Variants in EXOC5 observed in about 807,000 individuals in gnomAD.
EXOC5 encodes the protein exocyst complex component 5.
EXOC5 carries 17 observed loss-of-function variants against 90.8 expected under a neutral mutation model. The observed-to-expected ratio is 0.19, with a 90% CI of 0.13 to 0.28. The LOEUF is 0.28. EXOC5 is among the 10% of genes least tolerant of loss of function. EXOC5 has a pLI of 1.00. For synonymous variants in EXOC5, 260 were observed against 270.0 expected (o/e 0.96, Z 0.36); for missense variants, 569 against 830.6 (o/e 0.69, Z 3.87).
At chr14:57,224,635 T>C (rs974141048) in intron 12 of EXOC5, among the ~76,000 whole-genome samples, 4 of 152,152 alleles carry the variant, frequency 2.6e-5, no homozygotes, top group African/African-American at 9.7e-5. Flanking sequence ...TTGTGACTTT[T>C]ACCAAAGAAA....
In EXOC5 at chr14:57,247,727, A is replaced by C. The variant is rs1884072218; in HGVS notation, c.28-15T>G. 1 of 1,390,608 alleles carries C rather than the reference A, an allele frequency of 7.2e-7. No individual in the cohort carries two copies. Among genetic ancestry groups the C allele is most frequent in the Non-Finnish European group, 9.8e-7 (1 of 1,022,424 alleles). 86.1% of individuals were successfully genotyped at this position (1,390,608 alleles called of 1,614,324 possible). A position where few individuals can be genotyped will look rare whatever the true frequency, so the allele number is the denominator to read the frequency against. On this transcript the variant is annotated splice_polypyrimidine_tract_variant and intron_variant, in intron 1 of 17. Coordinates refer to ENST00000621441, the MANE Select transcript of EXOC5 (RefSeq NM_006544.4). Reference sequence around the variant, plus strand: ...ACAAAAGGCTCCTAGTTTACAAAAAAATACGCTTTAACAAAGTTTCATATA... The same window carrying C: ...ACAAAAGGCTCCTAGTTTACAAAAACATACGCTTTAACAAAGTTTCATATA...
At chr14:57,256,338 G>A (rs1884348636) in intron 1 of EXOC5, among the ~76,000 whole-genome samples, 1 of 151,908 alleles carries the variant, frequency 6.6e-6, no homozygotes, top group Non-Finnish European at 1.5e-5. Context: ...GCCTAAAAAG[G>A]GTATTATAAC....
chr14:57,230,230 C>T (rs1288758054), intron 11 of EXOC5, among the ~76,000 whole-genome samples: 2 of 152,056 alleles, frequency 1.3e-5, no homozygotes, highest in East Asian at 3.9e-4. Flanking sequence ...TAAAAAGAAA[C>T]CTTTAAAAGT....
intron 9 of EXOC5, 22 bp from the exon 10 acceptor site, chr14:57,232,771 T>A: frequency 1.8e-6 from 2 of 1,112,000 alleles, no homozygotes; most frequent in Non-Finnish European, 2.7e-6. Flanking sequence ...AGGTTAACAT[T>A]CTGTTAATTA....
At chr14:57,225,316 GATAAA>G (rs928718167) in intron 12 of EXOC5, among the ~76,000 whole-genome samples, 8 of 151,950 alleles carry the variant, frequency 5.3e-5, no homozygotes, top group African/African-American at 1.7e-4. Flanking sequence ...AGCTAAGTAG[GATAAA>G]ATAATTTTCT....
chr14:57,248,121 C>A (rs1594676062), intron 1 of EXOC5, among the ~76,000 whole-genome samples: 2 of 147,998 alleles, frequency 1.4e-5, no homozygotes, highest in African/African-American at 2.5e-5. Context: ...TTATAATGAG[C>A]AAGGCAAGAA....
intron 15 of EXOC5, among the ~76,000 whole-genome samples, chr14:57,210,859 C>T (rs1350958182): frequency 6.6e-6 from 1 of 152,166 alleles, no homozygotes; most frequent in Non-Finnish European, 1.5e-5. Flanking sequence ...TGTTAAACAA[C>T]AACAATGTAG....
intron 12 of EXOC5, among the ~76,000 whole-genome samples, chr14:57,225,917 G>A (rs574757878): frequency 2.0e-5 from 3 of 152,252 alleles, no homozygotes; most frequent in East Asian, 1.9e-4. Flanking sequence ...ACAAACAGTC[G>A]TATTCTTTTG....
rs561127239 is a variant in EXOC5, at chr14:57,246,328, A to G, written c.270+383T>C. Among the ~76,000 whole-genome samples, 5 of 152,316 alleles carry G rather than the reference A, an allele frequency of 3.3e-5. No homozygotes were observed. The South Asian group carries it at 8.3e-4, about 25-fold the overall frequency. ...CCTAATTCAGACAATAGCTGCTTTC[A>G]TATTACTTTGTTTTACGATTAAAGA... On this transcript the variant is annotated intron_variant, in intron 3 of 17. Coordinates refer to ENST00000621441, the MANE Select transcript of EXOC5 (RefSeq NM_006544.4).
Position 57,210,004 on chromosome 14 carries a change from T to C in EXOC5, c.1671A>G (p.Lys557=). The change falls in exon 16 of 18, where the codon AAA becomes AAG. Residue 557 remains lysine, a synonymous_variant. Coordinates refer to ENST00000621441, the MANE Select transcript of EXOC5 (RefSeq NM_006544.4). The part of the protein sequence containing the change: ...MKHILAAEQK[K]TDFKPEDENN... The stretch of plus-strand genomic sequence containing the variant: ...TTTCATCTTCTGGCTTAAAATCTGT[T>C]TTCTTCTGTTCTGCAGCCAAAATAT... 1 of 1,599,314 alleles carries C rather than the reference T, an allele frequency of 6.3e-7. No homozygotes were observed. Among genetic ancestry groups the C allele is most frequent in the African/African-American group, 1.3e-5 (1 of 74,872 alleles).
chr14:57,212,092 C>G lies in EXOC5; in HGVS notation c.1614-2031G>C, dbSNP rs115087428. On this transcript the variant is annotated intron_variant, in intron 15 of 17. Coordinates refer to ENST00000621441, the MANE Select transcript of EXOC5 (RefSeq NM_006544.4). ...TTGCCTCAGGCTGGTCCCAAACTCCCGGGCTCAAGTGATCCTCCTGCCTCA... is the reference window on the plus strand; with the variant it reads ...TTGCCTCAGGCTGGTCCCAAACTCCGGGGCTCAAGTGATCCTCCTGCCTCA... Among the ~76,000 whole-genome samples, 783 of 152,254 alleles carry G rather than the reference C, an allele frequency of 5.1e-3. 9 individuals are homozygous for G. The highest frequency in any genetic ancestry group is 0.018 in the African/African-American group (742 of 41,542).
At chr14:57,245,791 A>C (rs953524816) in intron 3 of EXOC5, among the ~76,000 whole-genome samples, 2 of 152,118 alleles carry the variant, frequency 1.3e-5, no homozygotes, top group Non-Finnish European at 2.9e-5. Context: ...AGTAGCTCAC[A>C]CCTGTAATCC....
At chr14:57,231,187 T>C (rs1213909930) in intron 11 of EXOC5, among the ~76,000 whole-genome samples, 1 of 151,950 alleles carries the variant, frequency 6.6e-6, no homozygotes, top group Non-Finnish European at 1.5e-5. Flanking sequence ...TTTTGTGTTT[T>C]TAGTAGAGAT....
intron 1 of EXOC5, among the ~76,000 whole-genome samples, chr14:57,258,409 A>C (rs577788773): frequency 6.6e-6 from 1 of 152,348 alleles, no homozygotes. Context: ...GACATGGATG[A>C]AACTGGAAAC....
In EXOC5 at chr14:57,205,134, G is replaced by C. The variant is rs1455786249; in HGVS notation, c.*3475C>G. On this transcript the variant is annotated 3_prime_UTR_variant, in exon 18 of 18. Coordinates refer to ENST00000621441, the MANE Select transcript of EXOC5 (RefSeq NM_006544.4). The stretch of plus-strand genomic sequence containing the variant: ...TCTAGAATCCAATAATATGTGCAAA[G>C]GACTTATTAGCACAGTGTGTGAGAC... The C allele has an allele frequency of 1.3e-5, 2 of 151,912 alleles. No individual in the cohort carries two copies. The highest frequency in any genetic ancestry group is 4.8e-5 in the African/African-American group (2 of 41,400). 9.4% of individuals were successfully genotyped at this position (151,912 alleles called of 1,614,324 possible).
At chr14:57,230,489 C>A (rs542377328) in intron 11 of EXOC5, among the ~76,000 whole-genome samples, 1 of 151,956 alleles carries the variant, frequency 6.6e-6, no homozygotes, top group Non-Finnish European at 1.5e-5. Context: ...TTCCTCTTCC[C>A]TTCCTTGCTA....
In EXOC5 at chr14:57,201,473, CACACACGTGTATAA is replaced by C. The variant is rs1045547964; in HGVS notation, c.*7122_*7135del. The C allele has an allele frequency of 4.4e-5, 6 of 136,696 alleles. No individual in the cohort carries two copies. Among genetic ancestry groups the C allele is most frequent in the African/African-American group, 1.3e-4 (4 of 30,564 alleles). The allele number at this position is 136,696 out of a possible 1,614,324, so 8.5% of individuals were successfully genotyped here. A position where few individuals can be genotyped will look rare whatever the true frequency, so the allele number is the denominator to read the frequency against. On this transcript the variant is annotated 3_prime_UTR_variant, in exon 18 of 18. Transcript: ENST00000621441. ...ATATATACACACGCGTGTATATGTA[CACACACGTGTATAA>C]ACACACGTGTATATACACACACATA...
rs1384618831 is a variant in EXOC5, at chr14:57,203,826, G to T, written c.*4783C>A. 1 of 152,514 alleles carries T rather than the reference G, an allele frequency of 6.6e-6. No individual in the cohort carries two copies. Among genetic ancestry groups the T allele is most frequent in the East Asian group, 1.9e-4 (1 of 5,198 alleles). The allele number at this position is 152,514 out of a possible 1,614,324, so 9.4% of individuals were successfully genotyped here. A position where few individuals can be genotyped will look rare whatever the true frequency, so the allele number is the denominator to read the frequency against. On this transcript the variant is annotated 3_prime_UTR_variant, in exon 18 of 18. Transcript: ENST00000621441. ...ATTATTGACAATTTTAATACATGTT[G>T]CACAGTACATATTAATATAGAAAAA...
At position 57,207,999 on chromosome 14, in the gene EXOC5, G is replaced by T. The variant is rs2139603888; in HGVS notation, c.*610C>A. ...CTACATAAAATAGTTCATCATTTTAGTTCAGTTTATGACATTTTTTGGACT... is the reference window on the plus strand; with the variant it reads ...CTACATAAAATAGTTCATCATTTTATTTCAGTTTATGACATTTTTTGGACT... On this transcript the variant is annotated 3_prime_UTR_variant, in exon 18 of 18. Transcript: ENST00000621441. 6.6e-6 allele frequency: 1 copy of T among 152,182 alleles called. No individual in the cohort carries two copies. Among genetic ancestry groups the T allele is most frequent in the Non-Finnish European group, 1.5e-5 (1 of 67,964 alleles). 9.4% of individuals were successfully genotyped at this position (152,182 alleles called of 1,614,324 possible).
Sources: allele counts gnomAD v4.1 joint callset (sites outside exome capture counted in the v4.1 genomes callset), GRCh38; gene constraint gnomAD v4.1.1; transcripts MANE v1.5; gene names NCBI Gene and HGNC (gene_info 2026-07-23, HGNC 2026-07-21).